Variants in AUTS2 observed in about 807,000 individuals in gnomAD.
The protein encoded by AUTS2 is activator of transcription and developmental regulator AUTS2, also known as autism susceptibility gene 2 protein.
In AUTS2, 17 loss-of-function variants were observed where a neutral mutation model predicts 112.4. The ratio of observed to expected loss-of-function variants is 0.15; its 90% CI spans 0.10 to 0.23. The LOEUF is 0.23. AUTS2 is among the 10% of genes least tolerant of loss of function. The probability of loss-of-function intolerance (pLI) is 1.00; values close to 1 mark genes in which losing one functional copy is unlikely to be tolerated. For synonymous variants in AUTS2, 751 were observed against 702.7 expected, an observed-to-expected ratio of 1.07 and a Z score of -1.09; for missense variants, 1,510 against 1,701.6, an observed-to-expected ratio of 0.89 and a Z score of 1.98.
intron 4 of AUTS2, among the ~76,000 whole-genome samples, chr7:70,280,847 T>A (rs921139532): frequency 6.6e-5 from 10 of 152,214 alleles, no homozygotes; most frequent in African/African-American, 2.4e-4. Flanking sequence ...TTCTTCTTTG[T>A]TGCTCACTAG....
intron 4 of AUTS2, among the ~76,000 whole-genome samples, chr7:70,226,855 A>G (rs1811792532): frequency 6.6e-6 from 1 of 152,168 alleles, no homozygotes; most frequent in South Asian, 2.1e-4. Context: ...TATGAACACA[A>G]ATCTCAGAAG....
chr7:69,904,244 G>T (rs933861957), intron 2 of AUTS2, among the ~76,000 whole-genome samples: 8 of 152,198 alleles, frequency 5.3e-5, no homozygotes, highest in African/African-American at 1.9e-4. Flanking sequence ...GCTACCAGAG[G>T]CTGGTCCCTT....
intron 1 of AUTS2, among the ~76,000 whole-genome samples, chr7:69,642,857 A>G (rs1794853149): frequency 6.6e-6 from 1 of 152,210 alleles, no homozygotes; most frequent in African/African-American, 2.4e-5. Flanking sequence ...CAATTGATAT[A>G]TAACAACATT....
At chr7:70,741,673 A>G (rs1788116923) in intron 6 of AUTS2, among the ~76,000 whole-genome samples, 1 of 151,942 alleles carries the variant, frequency 6.6e-6, no homozygotes, top group Admixed American at 6.6e-5. Flanking sequence ...CCTGAGCAAC[A>G]AGAGTGAAAC....
At chr7:69,838,986 G>C (rs1231390963) in intron 1 of AUTS2, among the ~76,000 whole-genome samples, 1 of 152,100 alleles carries the variant, frequency 6.6e-6, no homozygotes, top group Non-Finnish European at 1.5e-5. Flanking sequence ...AGATATTTTT[G>C]GTCAGATCTG....
intron 5 of AUTS2, among the ~76,000 whole-genome samples, chr7:70,571,281 T>G (rs2129525381): frequency 6.6e-6 from 1 of 152,208 alleles, no homozygotes; most frequent in Non-Finnish European, 1.5e-5. Context: ...GCCTATAAAG[T>G]GAGGTAAGTG....
At chr7:70,048,824 T>C (rs1801618104) in intron 2 of AUTS2, among the ~76,000 whole-genome samples, 1 of 152,214 alleles carries the variant, frequency 6.6e-6, no homozygotes, top group African/African-American at 2.4e-5. Context: ...GAAGAAAATT[T>C]AAAATATCCA....
intron 2 of AUTS2, among the ~76,000 whole-genome samples, chr7:69,960,155 A>G (rs1562996304): frequency 6.6e-6 from 1 of 152,226 alleles, no homozygotes; most frequent in Non-Finnish European, 1.5e-5. Context: ...CATCCTAAGA[A>G]CATTTGGAAA....
chr7:69,851,551 A>G (rs1165362175), intron 1 of AUTS2, among the ~76,000 whole-genome samples: 1 of 152,212 alleles, frequency 6.6e-6, no homozygotes, highest in African/African-American at 2.4e-5. Flanking sequence ...CGCCTGGCCC[A>G]TATGTGAAAT....
intron 2 of AUTS2, among the ~76,000 whole-genome samples, chr7:70,012,770 A>C (rs1336806836): frequency 1.3e-5 from 2 of 152,228 alleles, no homozygotes; most frequent in Non-Finnish European, 1.5e-5. Flanking sequence ...GTTGAAGAAA[A>C]CTATATGATG....
intron 4 of AUTS2, among the ~76,000 whole-genome samples, chr7:70,265,344 T>G (rs2129607966): frequency 6.6e-6 from 1 of 152,290 alleles, no homozygotes; most frequent in Middle Eastern, 3.4e-3. Flanking sequence ...GCTAGTTTCT[T>G]GTGAATTAAG....
intron 4 of AUTS2, among the ~76,000 whole-genome samples, chr7:70,253,351 T>C (rs1025937204): frequency 9.9e-5 from 15 of 152,214 alleles, no homozygotes; most frequent in African/African-American, 3.6e-4. Context: ...TTTTTGAGAC[T>C]GTTATTCTTC....
intron 2 of AUTS2, among the ~76,000 whole-genome samples, chr7:70,021,247 G>A (rs1285790991): frequency 6.6e-6 from 1 of 152,224 alleles, no homozygotes; most frequent in Non-Finnish European, 1.5e-5. Context: ...CTCCCAAAGT[G>A]CTGGGATTAC....
intron 4 of AUTS2, among the ~76,000 whole-genome samples, chr7:70,299,464 CACTT>C (rs1327812103): frequency 4.6e-5 from 7 of 152,224 alleles, no homozygotes; most frequent in Admixed American, 3.9e-4. Flanking sequence ...CTATTCCCCA[CACTT>C]ACGGTTTCTC....
At chr7:69,931,500 A>C (rs1796226342) in intron 2 of AUTS2, among the ~76,000 whole-genome samples, 1 of 152,094 alleles carries the variant, frequency 6.6e-6, no homozygotes, top group African/African-American at 2.4e-5. Flanking sequence ...ATTGATCAGA[A>C]TGTCTCCTTT....
chr7:70,569,701 C>T (rs1449215359), intron 5 of AUTS2, among the ~76,000 whole-genome samples: 1 of 152,222 alleles, frequency 6.6e-6, no homozygotes, highest in Non-Finnish European at 1.5e-5. Flanking sequence ...CTAAAACCCT[C>T]TCATTCATTC....
At chr7:69,725,771 C>T (rs564544577) in intron 1 of AUTS2, among the ~76,000 whole-genome samples, 10 of 152,150 alleles carry the variant, frequency 6.6e-5, no homozygotes, top group Non-Finnish European at 1.2e-4. Context: ...CATATTTCAG[C>T]ATCTCCTGAA....
chr7:70,662,031 G>A (rs1335608599), intron 5 of AUTS2, among the ~76,000 whole-genome samples: 4 of 152,304 alleles, frequency 2.6e-5, no homozygotes, highest in East Asian at 3.9e-4. Context: ...GATTGAAAGG[G>A]TGAGCAGACA....
intron 4 of AUTS2, among the ~76,000 whole-genome samples, chr7:70,401,313 A>G (rs755182550): frequency 7.9e-5 from 12 of 152,150 alleles, no homozygotes; most frequent in Admixed American, 3.3e-4. Context: ...GGGGCATATC[A>G]GCTCCTCCTG....
Sources: gnomAD v4.1 joint callset for allele counts (sites outside exome capture counted in the v4.1 genomes callset) on GRCh38, gnomAD v4.1.1 for gene constraint, MANE v1.5 for transcripts, NCBI Gene and HGNC (gene_info 2026-07-23, HGNC 2026-07-21) for gene names.